UBTF: variants seen among roughly 807,000 people sequenced by gnomAD.
UBTF encodes nucleolar transcription factor 1.
A neutral mutation model predicts 112.3 loss-of-function variants in UBTF; 8 were observed. The ratio of observed to expected loss-of-function variants is 0.07; its 90% CI spans 0.04 to 0.13. The LOEUF (loss-of-function observed/expected upper bound fraction) is 0.13, where lower values mean the gene tolerates loss of function less well. Among genes scored for constraint, UBTF ranks in the 10% least tolerant of loss-of-function variants. The pLI, the probability that UBTF is intolerant of heterozygous loss-of-function variation, is 1.00. For missense variants in UBTF, 457 were observed against 982.1 expected (o/e 0.47, Z 7.15); for synonymous variants, 417 against 373.1 (o/e 1.12, Z -1.36).
intron 2 of UBTF, 139 bp downstream of exon 2, chr17:44,218,033 G>A (rs1033944405): frequency 1.1e-6 from 1 of 901,768 alleles, no homozygotes; most frequent in Non-Finnish European, 1.7e-6. Flanking sequence ...GGAGATGCTT[G>A]ATTCATAAAT....
At chr17:44,217,190 A>C (rs150749143) in intron 2 of UBTF, among the ~76,000 whole-genome samples, 6 of 152,338 alleles carry the variant, frequency 3.9e-5, no homozygotes, top group African/African-American at 1.2e-4. Flanking sequence ...AGGAAAATCC[A>C]TGCAGATGTC....
intron 7 of UBTF, among the ~76,000 whole-genome samples, 161 bp downstream of exon 7, chr17:44,212,658 C>T (rs2056766766): frequency 1.3e-5 from 2 of 152,186 alleles, no homozygotes; most frequent in Non-Finnish European, 2.9e-5. Context: ...CACACACGCA[C>T]ACGCTTGCAC....
Position 44,210,462 on chromosome 17 carries a change from C to T in UBTF, c.1371G>A (p.Lys457=), listed in dbSNP as rs1567794059. 2 of 1,609,614 alleles carry T rather than the reference C, an allele frequency of 1.2e-6. No individual in the cohort carries two copies. Among genetic ancestry groups the T allele is most frequent in the Non-Finnish European group, 8.5e-7 (1 of 1,179,200 alleles). The change falls in exon 14 of 21, where the codon AAG becomes AAA. Residue 457 remains lysine, a synonymous_variant. Transcript: ENST00000436088. The part of the protein sequence containing the change: ...DLSEKKKAKY[K]AREAALKAQS... ...GAGCCTTGAGCGCCGCCTCTCGGGC[C>T]TTGTACTTGGCCTGCGGGGATGGCC...
chr17:44,212,039 G>A (rs1393637489), intron 8 of UBTF, 33 bp from the exon 9 acceptor site: 2 of 1,603,604 alleles, frequency 1.2e-6, no homozygotes, highest in Non-Finnish European at 8.5e-7. Context: ...GGAGGGCAAT[G>A]GGGTGTGGAG....
intron 15 of UBTF, 119 bp downstream of exon 15, chr17:44,210,005 G>A: frequency 9.3e-7 from 1 of 1,077,062 alleles, no homozygotes; most frequent in Non-Finnish European, 1.4e-6. Flanking sequence ...GTTCAGAGAA[G>A]GAAGCTGAGA....
At chr17:44,212,178 G>A (rs544769267) in intron 8 of UBTF, 166 bp downstream of exon 8, 7 of 418,796 alleles carry the variant, frequency 1.7e-5, no homozygotes, top group African/African-American at 1.6e-4. Context: ...GAGATCTCAT[G>A]GGGGTGGGGG....
In UBTF at chr17:44,207,269, C is replaced by T. The variant is rs199543664; in HGVS notation, c.2268G>A (p.Gly756=). 9 of 1,613,596 alleles carry T rather than the reference C, an allele frequency of 5.6e-6. No individual in the cohort carries two copies. The East Asian group carries it at 1.3e-4, about 24-fold the overall frequency. The part of the protein sequence containing the change: ...EGSSSSSSSS[G]DSSDSDSN Reference sequence around the variant, plus strand: ...AGTTGGAGTCAGAGTCTGAGGAGTCCCCTGAGGAGGAGGAGCTGGAGCTGC... The same window carrying T: ...AGTTGGAGTCAGAGTCTGAGGAGTCTCCTGAGGAGGAGGAGCTGGAGCTGC... Residue 756 remains glycine (G), a synonymous_variant, in exon 21 of 21, where the codon GGG becomes GGA. Transcript: ENST00000436088.
Position 44,205,670 on chromosome 17 carries a change from G to A in UBTF, c.*1572C>T, listed in dbSNP as rs2056204824. The A allele has an allele frequency of 6.6e-6, 1 of 152,106 alleles. No homozygotes were observed. Among genetic ancestry groups the A allele is most frequent in the African/African-American group, 2.4e-5 (1 of 41,394 alleles). The allele number at this position is 152,106 out of a possible 1,614,324, so 9.4% of individuals were successfully genotyped here. On this transcript the variant is annotated 3_prime_UTR_variant, in exon 21 of 21. Coordinates refer to ENST00000436088, the MANE Select transcript of UBTF (RefSeq NM_014233.4). ...TTCACCGTTCTTGCTCCACCTCCGC[G>A]GCAGAGTTCCCGCTCTTCCCCCATT... is the stretch of plus-strand genomic sequence containing the variant.
At position 44,211,054 on chromosome 17, in the gene UBTF, G is replaced by A. The variant is rs371771792; in HGVS notation, c.1188C>T (p.Ala396=). The A allele has an allele frequency of 3.1e-6, 5 of 1,612,022 alleles. No homozygotes were observed. The highest frequency in any genetic ancestry group is 1.7e-5 in the Admixed American group (1 of 59,938). ...CTCTGCCCACCTTGCCCCCTTCCTG[G>A]GCTGGCTTCTTGGAGGCGGGGCTGG... ...QATSPASKKP[A]QEGGKGGSEK... The change falls in exon 12 of 21, where the codon GCC becomes GCT. Residue 396 remains alanine, a synonymous_variant. Coordinates refer to ENST00000436088, the MANE Select transcript of UBTF (RefSeq NM_014233.4). The surrounding 1 kb of genome is among the most constrained non-coding windows in gnomAD (Gnocchi z 4.9).
At chr17:44,207,415 G>A in intron 20 of UBTF, 39 bp downstream of exon 20, 1 of 1,611,702 alleles carries the variant, frequency 6.2e-7, no homozygotes, top group East Asian at 2.2e-5. Flanking sequence ...CCTCCTGGCA[G>A]GACTCCCCTC....
At chr17:44,210,058 A>C in intron 15 of UBTF, 66 bp downstream of exon 15, 2 of 1,536,310 alleles carry the variant, frequency 1.3e-6, no homozygotes, top group South Asian at 2.2e-5. Context: ...TCTTGCTCAG[A>C]GCTGCCCAAC....
At chr17:44,212,504 A>AG in intron 7 of UBTF, 50 bp from the exon 8 acceptor site, 2 of 70,230 alleles carry the variant, frequency 2.8e-5, no homozygotes, top group Non-Finnish European at 5.6e-5. Context: ...GGGCAGGGGG[A>AG]GGGGGGAAGG....
rs2046855827 is a variant in UBTF at position 44,216,521 on chromosome 17, T to C, written c.234+8A>G. ...ATGTGTGTATGTCAGAAAAGGGGGA[T>C]CAGTTACCTCATTAGAAATCTCCAC... is the stretch of plus-strand genomic sequence containing the variant. On this transcript the variant is annotated splice_region_variant and intron_variant, in intron 3 of 20. Coordinates refer to ENST00000436088, the MANE Select transcript of UBTF (RefSeq NM_014233.4). 2.5e-6 allele frequency: 4 copies of C among 1,613,798 alleles called. No homozygotes were observed. Among genetic ancestry groups the C allele is most frequent in the African/African-American group, 1.3e-5 (1 of 74,906 alleles).
intron 17 of UBTF, chr17:44,209,114 A>ATACG: frequency 7.6e-6 from 3 of 396,520 alleles, no homozygotes; most frequent in South Asian, 3.5e-5. Flanking sequence ...GGTTGCAGTG[A>ATACG]GCCGAGACTA....
rs1221266957 is a variant in UBTF at position 44,206,083 on chromosome 17, T to A, written c.*1159A>T. The A allele has an allele frequency of 6.6e-6, 1 of 152,188 alleles. No homozygotes were observed. The highest frequency in any genetic ancestry group is 2.4e-5 in the African/African-American group (1 of 41,426). The allele number at this position is 152,188 out of a possible 1,614,324, so 9.4% of individuals were successfully genotyped here. ...GGTTCTGAGCCTGGGGTGGCCAGGC[T>A]TGGCCTCTCAGATGAACAGGGGAGA... On this transcript the variant is annotated 3_prime_UTR_variant, in exon 21 of 21. Coordinates refer to ENST00000436088, the MANE Select transcript of UBTF (RefSeq NM_014233.4).
rs760442246 is a variant in UBTF, at chr17:44,216,667, T to C, written c.96A>G (p.Glu32=). ...TGGATGGAAGGTTGTTCTTCATGCA[T>C]TCCAGCAAAGTCAGCATGTCTTCCT... is the stretch of plus-strand genomic sequence containing the variant. ...WSQEDMLTLL[E]CMKNNLPSND... is the part of the protein sequence containing the mutation. Residue 32 remains glutamate (E), a synonymous_variant, in exon 3 of 21, where the codon GAA becomes GAG. Coordinates refer to ENST00000436088, the MANE Select transcript of UBTF (RefSeq NM_014233.4). The C allele has an allele frequency of 6.2e-6, 10 of 1,614,110 alleles. No homozygotes were observed. Among genetic ancestry groups the C allele is most frequent in the Non-Finnish European group, 8.5e-6 (10 of 1,180,040 alleles).
rs1487942132 is a variant in UBTF, at chr17:44,207,109, T to A, written c.*133A>T. Reference sequence around the variant, plus strand: ...CCCCTACCCCCACCGTATTTTTTTTTTTTTTTAAAGAAAGAAAGAAAGTGG... The same window carrying A: ...CCCCTACCCCCACCGTATTTTTTTTATTTTTTAAAGAAAGAAAGAAAGTGG... On this transcript the variant is annotated 3_prime_UTR_variant, in exon 21 of 21. Coordinates refer to ENST00000436088, the MANE Select transcript of UBTF (RefSeq NM_014233.4). 2.0e-6 allele frequency: 2 copies of A among 1,022,844 alleles called. No individual in the cohort carries two copies. The highest frequency in any genetic ancestry group is 2.8e-6 in the Non-Finnish European group (2 of 717,208). The allele number at this position is 1,022,844 out of a possible 1,614,324, so 63.4% of individuals were successfully genotyped here. A position where few individuals can be genotyped will look rare whatever the true frequency, so the allele number is the denominator to read the frequency against.
At chr17:44,219,865 C>G (rs933418232), upstream of UBTF, 1 of 150,946 alleles carries the variant, frequency 6.6e-6, no homozygotes, top group Non-Finnish European at 1.5e-5. Context: ...AGAGCGCACA[C>G]CGACCCCCGG....
At chr17:44,210,753 G>GCC in intron 13 of UBTF, 39 bp downstream of exon 13, 2 of 1,549,650 alleles carry the variant, frequency 1.3e-6, no homozygotes, top group South Asian at 2.4e-5. Flanking sequence ...GGCCCTGGCA[G>GCC]CCCCCCTGGG....
Sources: gnomAD v4.1 joint callset for allele counts (sites outside exome capture counted in the v4.1 genomes callset) on GRCh38, gnomAD v4.1.1 for gene constraint, Gnocchi (gnomAD v3.1) non-coding constraint, MANE v1.5 for transcripts, NCBI Gene and HGNC (gene_info 2026-07-23, HGNC 2026-07-21) for gene names.